The following APOH variants were observed in gnomAD, a reference collection of about 807,000 sequenced individuals.
APOH encodes the protein beta-2-glycoprotein 1.
APOH carries 48 observed loss-of-function variants against 39.8 expected under a neutral mutation model. The observed-to-expected ratio is 1.21, with a 90% CI of 0.96 to 1.54. APOH has a LOEUF of 1.54. Ranked by LOEUF, APOH falls within the 40% of genes most tolerant of loss-of-function variation. The pLI is 0.00. For missense variants in APOH, 415 were observed against 421.2 expected, an observed-to-expected ratio of 0.99 and a Z score of 0.13; for synonymous variants, 153 against 151.1, an observed-to-expected ratio of 1.01 and a Z score of -0.09.
intron 5 of APOH, 87 bp from the exon 6 acceptor site, chr17:66,217,054 C>G: frequency 8.9e-7 from 1 of 1,124,206 alleles, no homozygotes; most frequent in East Asian, 2.7e-5. Flanking sequence ...CTCTGTCACA[C>G]CACTGAATCA....
rs748693269 is a variant in APOH at position 66,220,543 on chromosome 17, A to G, written c.604+11T>C. On this transcript the variant is annotated intron_variant, in intron 5 of 7. Transcript: ENST00000205948. ...CCTACCATGCGTATTTTGTCTGATC[A>G]TTGCACTTACCCCTGCATTCTGGTA... The G allele has an allele frequency of 2.2e-5, 36 of 1,612,764 alleles. No individual in the cohort carries two copies. The highest frequency in any genetic ancestry group is 2.9e-5 in the Non-Finnish European group (34 of 1,178,938).
At chr17:66,225,626 T>G (rs1321334974) in intron 3 of APOH, among the ~76,000 whole-genome samples, 1 of 152,194 alleles carries the variant, frequency 6.6e-6, no homozygotes, top group East Asian at 1.9e-4. Flanking sequence ...GACTACGTAT[T>G]GCACTAGTTG....
rs554357841 is a variant in APOH, at chr17:66,216,976, T to C, written c.605-9A>G. On this transcript the variant is annotated splice_polypyrimidine_tract_variant and intron_variant, in intron 5 of 7. Coordinates refer to ENST00000205948, the MANE Select transcript of APOH (RefSeq NM_000042.3). The stretch of plus-strand genomic sequence containing the variant: ...GAATGGGCATTTTACTTCTAAAACA[T>C]TTATTCAATAAGACATATTAGTAAT... 8 of 1,579,822 alleles carry C rather than the reference T, an allele frequency of 5.1e-6. No homozygotes were observed. In the South Asian group the frequency reaches 9.5e-5, roughly 19 times the overall value.
intron 6 of APOH, 133 bp downstream of exon 6, chr17:66,216,655 A>C: frequency 1.2e-6 from 1 of 820,110 alleles, no homozygotes; most frequent in African/African-American, 1.7e-5. Context: ...GTGAGTCCTG[A>C]AGTCACATGC....
chr17:66,225,191 G>T (rs927158753), intron 3 of APOH, among the ~76,000 whole-genome samples: 2 of 152,146 alleles, frequency 1.3e-5, no homozygotes, highest in Non-Finnish European at 2.9e-5. Flanking sequence ...TCTCTCACAT[G>T]TAGTATTCCT....
At chr17:66,225,920 G>A in intron 3 of APOH, 108 bp downstream of exon 3, 1 of 651,818 alleles carries the variant, frequency 1.5e-6, no homozygotes, top group South Asian at 2.7e-5. Context: ...GCATTTGAAA[G>A]TCCAACCTAA....
chr17:66,217,212 G>A (rs78505239), intron 5 of APOH, among the ~76,000 whole-genome samples: 5,264 of 152,050 alleles, frequency 0.035, 129 homozygotes, highest in Middle Eastern at 0.065. Context: ...TAAGTTCTCT[G>A]GGTTTTCACA....
At position 66,214,651 on chromosome 17, in the gene APOH, C is replaced by G. The variant is rs769732814; in HGVS notation, c.785-1G>C. 1.2e-5 allele frequency: 20 copies of G among 1,609,350 alleles called. No homozygotes were observed. The South Asian group carries it at 2.2e-4, about 18-fold the overall frequency. On this transcript the variant is annotated splice_acceptor_variant, in intron 6 of 7. Coordinates refer to ENST00000205948, the MANE Select transcript of APOH (RefSeq NM_000042.3). LOFTEE classifies it high-confidence loss of function. Reference sequence around the variant, plus strand: ...TTTTTCACAGGTACTTTACAAGATGCTGAAAGAGAGAATACTTGTAATCAG... The same window carrying G: ...TTTTTCACAGGTACTTTACAAGATGGTGAAAGAGAGAATACTTGTAATCAG...
chr17:66,218,872 T>TG (rs1218740209), intron 5 of APOH, among the ~76,000 whole-genome samples: 1 of 151,860 alleles, frequency 6.6e-6, no homozygotes, highest in Non-Finnish European at 1.5e-5. Context: ...TAGCTGGGCG[T>TG]GGTGGCAGGT....
At chr17:66,225,064 GA>G (rs35660567) in intron 3 of APOH, among the ~76,000 whole-genome samples, 92,511 of 143,638 alleles carry the variant, frequency 0.64, 29,836 homozygotes, top group East Asian at 0.89. Context: ...AAAAAGAAAG[GA>G]AAAAAAAAAA....
At chr17:66,226,414 G>A (rs1438735858) in intron 2 of APOH, among the ~76,000 whole-genome samples, 1 of 152,190 alleles carries the variant, frequency 6.6e-6, no homozygotes, top group Non-Finnish European at 1.5e-5. Context: ...GAGGAGGGTG[G>A]ATCACTTGAG....
chr17:66,214,330 A>G (rs2073351685), intron 7 of APOH, 123 bp downstream of exon 7: 1 of 903,332 alleles, frequency 1.1e-6, no homozygotes, highest in Admixed American at 2.4e-5. Context: ...AAGTGCTGGG[A>G]TTACAGGCGT....
chr17:66,218,843 C>T (rs930761644), intron 5 of APOH, among the ~76,000 whole-genome samples: 26 of 151,956 alleles, frequency 1.7e-4, no homozygotes, highest in African/African-American at 5.6e-4. Context: ...AATCCCATCT[C>T]TACTAAAATT....
intron 5 of APOH, among the ~76,000 whole-genome samples, chr17:66,219,804 G>A (rs1170234755): frequency 2.0e-5 from 3 of 151,934 alleles, no homozygotes; most frequent in Non-Finnish European, 2.9e-5. Flanking sequence ...CTGTAATCCC[G>A]GCTACTTGGG....
At chr17:66,227,875 C>T in intron 2 of APOH, 145 bp downstream of exon 2, 1 of 784,116 alleles carries the variant, frequency 1.3e-6, no homozygotes, top group Non-Finnish European at 2.1e-6. Context: ...AGAGAACTCC[C>T]CAAGACCTTC....
At chr17:66,225,189 A>G (rs981222886) in intron 3 of APOH, among the ~76,000 whole-genome samples, 7 of 152,144 alleles carry the variant, frequency 4.6e-5, no homozygotes, top group Non-Finnish European at 8.8e-5. Context: ...TCTCTCTCAC[A>G]TGTAGTATTC....
chr17:66,214,786 G>T (rs750239799), intron 6 of APOH, 136 bp from the exon 7 acceptor site: 3 of 680,898 alleles, frequency 4.4e-6, no homozygotes, highest in Non-Finnish European at 7.6e-6. Flanking sequence ...AATATATATA[G>T]TAAGTAATGG....
intron 3 of APOH, among the ~76,000 whole-genome samples, chr17:66,224,698 G>A (rs1288566466): frequency 6.4e-5 from 4 of 62,542 alleles, no homozygotes; most frequent in Admixed American, 1.5e-4. Flanking sequence ...GAAGGGAAAG[G>A]AAAGGAAAGG....
intron 6 of APOH, among the ~76,000 whole-genome samples, chr17:66,215,234 C>T (rs1229603122): frequency 6.6e-6 from 1 of 152,208 alleles, no homozygotes; most frequent in Non-Finnish European, 1.5e-5. Flanking sequence ...AATTCACACT[C>T]CAGAGCTCCC....
Sources: allele counts gnomAD v4.1 joint callset (sites outside exome capture counted in the v4.1 genomes callset), GRCh38; gene constraint gnomAD v4.1.1; transcripts MANE v1.5; gene names NCBI Gene and HGNC (gene_info 2026-07-23, HGNC 2026-07-21).